The following SYCP1 variants were observed in gnomAD, a reference collection of about 807,000 sequenced individuals.
SYCP1 encodes synaptonemal complex protein 1, also known as cancer/testis antigen 8.
Under a neutral mutation model 153.1 loss-of-function variants are expected in SYCP1, and 64 were observed. That is an observed-to-expected ratio of 0.42 (90% CI 0.34 to 0.51). The LOEUF (loss-of-function observed/expected upper bound fraction) is 0.51, where lower values mean the gene tolerates loss of function less well. Ranked by LOEUF, SYCP1 falls within the 20% of genes least tolerant of loss-of-function variation. The probability of loss-of-function intolerance (pLI) is 0.06; values close to 1 mark genes in which losing one functional copy is unlikely to be tolerated. For synonymous variants in SYCP1, 384 were observed against 341.8 expected (o/e 1.12, Z -1.36); for missense variants, 997 against 1,049.0 (o/e 0.95, Z 0.68).
At chr1:114,944,510 T>A in intron 24 of SYCP1, 55 bp downstream of exon 24, 1 of 1,058,480 alleles carries the variant, frequency 9.4e-7, no homozygotes, top group Non-Finnish European at 1.4e-6. Flanking sequence ...TATATTTTTA[T>A]TAGGATTTTA....
At chr1:114,921,662 A>G (rs1214326018) in intron 20 of SYCP1, among the ~76,000 whole-genome samples, 1 of 149,432 alleles carries the variant, frequency 6.7e-6, no homozygotes, top group East Asian at 1.9e-4. Context: ...AAAAAAAAAC[A>G]AAAACAGATA....
At chr1:114,870,204 G>A (rs1368233439) in intron 8 of SYCP1, among the ~76,000 whole-genome samples, 1 of 151,984 alleles carries the variant, frequency 6.6e-6, no homozygotes, top group Admixed American at 6.6e-5. Context: ...TGTAGAGAAG[G>A]GGTTTGCTAC....
intron 27 of SYCP1, among the ~76,000 whole-genome samples, chr1:114,948,914 A>C (rs1380747066): frequency 6.6e-6 from 1 of 152,178 alleles, no homozygotes; most frequent in East Asian, 1.9e-4. Context: ...AGTAAACATA[A>C]ATAAGAATAA....
At chr1:114,914,589 G>C (rs1165797225) in intron 20 of SYCP1, among the ~76,000 whole-genome samples, 1 of 152,140 alleles carries the variant, frequency 6.6e-6, no homozygotes, top group Non-Finnish European at 1.5e-5. Context: ...TCAAGTTGTA[G>C]ACAAGCTATC....
At chr1:114,988,021 GA>G (rs1335672730) in intron 30 of SYCP1, among the ~76,000 whole-genome samples, 3 of 122,372 alleles carry the variant, frequency 2.5e-5, no homozygotes, top group African/African-American at 9.1e-5. Context: ...TGAGTAAGCA[GA>G]AAAAAGAATT....
intron 23 of SYCP1, among the ~76,000 whole-genome samples, chr1:114,940,346 G>A (rs1045136242): frequency 5.9e-5 from 9 of 151,996 alleles, no homozygotes; most frequent in Admixed American, 2.6e-4. Flanking sequence ...ATCTGCCCAC[G>A]TCAGTCTCCC....
intron 8 of SYCP1, among the ~76,000 whole-genome samples, chr1:114,862,427 C>A (rs184291135): frequency 1.6e-4 from 24 of 151,708 alleles, no homozygotes; most frequent in Admixed American, 5.9e-4. Flanking sequence ...CGGCTCACTG[C>A]AACCTCCCAC....
chr1:114,930,138 ACG>A (rs1669529066), intron 23 of SYCP1, among the ~76,000 whole-genome samples: 1 of 152,058 alleles, frequency 6.6e-6, no homozygotes, highest in African/African-American at 2.4e-5. Context: ...ATTATTTTAA[ACG>A]GAATGATGAG....
chr1:114,862,439 C>A (rs1041703815), intron 8 of SYCP1, among the ~76,000 whole-genome samples: 2 of 151,818 alleles, frequency 1.3e-5, no homozygotes, highest in African/African-American at 4.8e-5. Context: ...ACCTCCCACC[C>A]CTAGGGTTCA....
chr1:114,892,732 T>C (rs1666804688), intron 15 of SYCP1, among the ~76,000 whole-genome samples: 1 of 151,920 alleles, frequency 6.6e-6, no homozygotes, highest in African/African-American at 2.4e-5. Flanking sequence ...CTGCTGTTGG[T>C]AGGGGGCAGG....
chr1:114,993,705 A>G (rs1238646387), intron 30 of SYCP1, among the ~76,000 whole-genome samples: 1 of 151,542 alleles, frequency 6.6e-6, no homozygotes, highest in East Asian at 1.9e-4. Flanking sequence ...TGACAACATT[A>G]TATTTATTTC....
At chr1:114,855,969 G>A (rs1025171171) in intron 2 of SYCP1, among the ~76,000 whole-genome samples, 1 of 152,176 alleles carries the variant, frequency 6.6e-6, no homozygotes, top group Non-Finnish European at 1.5e-5. Context: ...TTGTGACTGA[G>A]CTTCAGATTT....
At chr1:114,960,163 G>GTTTTTTTTTTTTTTTT (rs757126453) in intron 27 of SYCP1, among the ~76,000 whole-genome samples, 1 of 109,476 alleles carries the variant, frequency 9.1e-6, no homozygotes, top group Non-Finnish European at 1.8e-5. Context: ...TAGTTTGCTT[G>GTTTTTTTTTTTTTTTT]TTTTTTTTTT....
chr1:114,915,597 G>A (rs1016356784), intron 20 of SYCP1, among the ~76,000 whole-genome samples: 13 of 152,156 alleles, frequency 8.5e-5, no homozygotes, highest in African/African-American at 3.1e-4. Flanking sequence ...CCACTTTCTG[G>A]TCACACATTC....
At chr1:114,961,611 A>G (rs1671784565) in intron 27 of SYCP1, among the ~76,000 whole-genome samples, 1 of 152,232 alleles carries the variant, frequency 6.6e-6, no homozygotes, top group Non-Finnish European at 1.5e-5. Context: ...GAGACCATTC[A>G]GGAGAAGATT....
chr1:114,900,479 C>T (rs573713755), intron 16 of SYCP1, among the ~76,000 whole-genome samples: 2 of 152,270 alleles, frequency 1.3e-5, no homozygotes, highest in African/African-American at 4.8e-5. Context: ...TGGGATTTTG[C>T]CATGTTGGCC....
chr1:114,974,199 G>T (rs942020835), intron 27 of SYCP1, among the ~76,000 whole-genome samples: 2 of 151,610 alleles, frequency 1.3e-5, no homozygotes, highest in African/African-American at 4.8e-5. Context: ...TATCAGTTTT[G>T]ATTTATTCTT....
At chr1:114,917,890 T>G (rs1668614487) in intron 20 of SYCP1, among the ~76,000 whole-genome samples, 1 of 152,120 alleles carries the variant, frequency 6.6e-6, no homozygotes, top group African/African-American at 2.4e-5. Context: ...TATTAATCCC[T>G]TGTCAGATGG....
At chr1:114,993,848 A>G (rs1487757053) in intron 30 of SYCP1, among the ~76,000 whole-genome samples, 1 of 151,280 alleles carries the variant, frequency 6.6e-6, no homozygotes, top group East Asian at 1.9e-4. Flanking sequence ...CATCACAACT[A>G]AAACCTTCTA....
Sources: allele counts gnomAD v4.1 joint callset (sites outside exome capture counted in the v4.1 genomes callset), GRCh38; gene constraint gnomAD v4.1.1; transcripts MANE v1.5; gene names NCBI Gene and HGNC (gene_info 2026-07-23, HGNC 2026-07-21).